The following TBC1D19 variants were observed in gnomAD, a reference collection of about 807,000 sequenced individuals.
TBC1D19 encodes TBC1 domain family member 19.
TBC1D19 carries 60 observed loss-of-function variants against 89.0 expected under a neutral mutation model. That is an observed-to-expected ratio of 0.67 (90% CI 0.55 to 0.84). The LOEUF is 0.84. TBC1D19 is among the 40% of genes least tolerant of loss of function. The pLI is 0.00. For missense variants in TBC1D19, 500 were observed against 610.8 expected (o/e 0.82, Z 1.91); for synonymous variants, 189 against 199.7 (o/e 0.95, Z 0.45).
At chr4:26,696,098 T>C (rs1714751650) in intron 13 of TBC1D19, among the ~76,000 whole-genome samples, 1 of 152,214 alleles carries the variant, frequency 6.6e-6, no homozygotes, top group South Asian at 2.1e-4. Context: ...ATCAGTGTGC[T>C]GTATTCAGGA....
chr4:26,745,233 C>T (rs548670045), intron 18 of TBC1D19, among the ~76,000 whole-genome samples: 27 of 151,630 alleles, frequency 1.8e-4, no homozygotes, highest in African/African-American at 4.8e-4. Flanking sequence ...GATTTCTTAT[C>T]GAAAGTTGGG....
At chr4:26,786,753 C>CTGGA in the TBC1D19 span, among the ~76,000 whole-genome samples, 5,572 of 85,670 alleles carry the variant, frequency 0.065, 373 homozygotes, top group African/African-American at 0.17. Flanking sequence ...GGGTGGATGC[C>CTGGA]TGGATGGATG....
intron 1 of TBC1D19, among the ~76,000 whole-genome samples, chr4:26,587,845 T>C (rs2109937702): frequency 6.6e-6 from 1 of 151,946 alleles, no homozygotes; most frequent in East Asian, 1.9e-4. Context: ...ATTCAGGTTA[T>C]CTATTTCTTC....
chr4:26,832,970 G>A, the TBC1D19 span, among the ~76,000 whole-genome samples: 4 of 152,168 alleles, frequency 2.6e-5, no homozygotes, highest in Non-Finnish European at 5.9e-5. Flanking sequence ...CTCTGGCCTG[G>A]ATGAGAGAGC....
At chr4:26,769,136 T>C in the TBC1D19 span, among the ~76,000 whole-genome samples, 177 of 152,280 alleles carry the variant, frequency 1.2e-3, no homozygotes, top group African/African-American at 4.0e-3. Flanking sequence ...AGTAGACCGA[T>C]GTCTTTAAAG....
downstream of TBC1D19, among the ~76,000 whole-genome samples, chr4:26,757,033 TG>T (rs1193303221): frequency 8.2e-5 from 11 of 134,414 alleles, no homozygotes; most frequent in Non-Finnish European, 1.3e-4. Context: ...TTTTTTTTTT[TG>T]ACGCAGTCTG....
the TBC1D19 span, among the ~76,000 whole-genome samples, chr4:26,833,763 C>T: frequency 2.6e-5 from 4 of 152,304 alleles, no homozygotes; most frequent in African/African-American, 9.6e-5. Flanking sequence ...TTCCCAAAGC[C>T]CCAGCCAGTA....
chr4:26,769,235 C>T, the TBC1D19 span, among the ~76,000 whole-genome samples: 1 of 152,004 alleles, frequency 6.6e-6, no homozygotes, highest in Non-Finnish European at 1.5e-5. Context: ...TTTTTTCTCA[C>T]ACCTACAAGA....
chr4:26,814,162 A>G, the TBC1D19 span, among the ~76,000 whole-genome samples: 1 of 152,228 alleles, frequency 6.6e-6, no homozygotes, highest in African/African-American at 2.4e-5. Context: ...ATACATTGGT[A>G]GACCACGGTC....
At chr4:26,662,337 A>G (rs181902747) in intron 8 of TBC1D19, among the ~76,000 whole-genome samples, 1 of 152,370 alleles carries the variant, frequency 6.6e-6, no homozygotes, top group East Asian at 1.9e-4. Flanking sequence ...AGAATATAGT[A>G]TGCCAAAAAA....
chr4:26,845,148 G>A, the TBC1D19 span, among the ~76,000 whole-genome samples: 1 of 152,176 alleles, frequency 6.6e-6, no homozygotes, highest in Admixed American at 6.5e-5. Flanking sequence ...AACAAGAACA[G>A]CCAAGGTCCC....
chr4:26,617,706 C>A (rs1741782019), intron 3 of TBC1D19, among the ~76,000 whole-genome samples: 1 of 152,068 alleles, frequency 6.6e-6, no homozygotes, highest in South Asian at 2.1e-4. Context: ...GAAAATAGAT[C>A]AATTTATTTC....
intron 14 of TBC1D19, among the ~76,000 whole-genome samples, chr4:26,718,311 C>A (rs201305257): frequency 1.7e-4 from 26 of 151,804 alleles, no homozygotes; most frequent in Admixed American, 1.7e-3. Flanking sequence ...CTTTTTCTTT[C>A]TAAGTTTATA....
At chr4:26,709,628 G>T (rs917366431) in intron 13 of TBC1D19, among the ~76,000 whole-genome samples, 2 of 151,990 alleles carry the variant, frequency 1.3e-5, no homozygotes, top group African/African-American at 2.4e-5. Flanking sequence ...GAGGGGATTG[G>T]GGTGGGTGAT....
At chr4:26,667,401 C>G (rs929109394) in intron 9 of TBC1D19, among the ~76,000 whole-genome samples, 1 of 151,946 alleles carries the variant, frequency 6.6e-6, no homozygotes, top group African/African-American at 2.4e-5. Context: ...TGATTTCTGG[C>G]AGCACAGATT....
intron 13 of TBC1D19, among the ~76,000 whole-genome samples, chr4:26,700,153 C>G (rs1191094289): frequency 1.3e-5 from 2 of 151,858 alleles, no homozygotes; most frequent in Non-Finnish European, 2.9e-5. Context: ...ATAGGACTAT[C>G]AGATGGAGAG....
At chr4:26,713,536 A>G (rs919312433) in intron 13 of TBC1D19, among the ~76,000 whole-genome samples, 2 of 152,088 alleles carry the variant, frequency 1.3e-5, no homozygotes, top group African/African-American at 2.4e-5. Flanking sequence ...ATAATAAATA[A>G]CAGAAAGGAC....
chr4:26,740,608 C>T (rs927467356), intron 17 of TBC1D19: 48 of 968,128 alleles, frequency 5.0e-5, no homozygotes, highest in Non-Finnish European at 5.5e-5. Context: ...TCTCTTTTGG[C>T]TGTTCCTTTA....
At chr4:26,796,860 G>A in the TBC1D19 span, among the ~76,000 whole-genome samples, 5 of 151,902 alleles carry the variant, frequency 3.3e-5, no homozygotes, top group Non-Finnish European at 7.4e-5. Context: ...TAGGCTGGAA[G>A]GTAAACAGGT....
Sources: allele counts gnomAD v4.1 joint callset (sites outside exome capture counted in the v4.1 genomes callset), GRCh38; gene constraint gnomAD v4.1.1; transcripts MANE v1.5; gene names NCBI Gene and HGNC (gene_info 2026-07-23, HGNC 2026-07-21).